GCNT2: variants seen among roughly 807,000 people sequenced by gnomAD.
GCNT2 encodes N-acetyllactosaminide beta-1,6-N-acetylglucosaminyl-transferase.
Under a neutral mutation model 34.2 loss-of-function variants are expected in GCNT2, and 34 were observed. The ratio of observed to expected loss-of-function variants is 1.00; its 90% CI spans 0.76 to 1.32. GCNT2 has a LOEUF of 1.32. Among genes scored for constraint, GCNT2 ranks in the 40% most tolerant of loss-of-function variants. GCNT2 has a pLI of 0.00. For synonymous variants in GCNT2, 212 were observed against 188.0 expected, an observed-to-expected ratio of 1.13 and a Z score of -1.04; for missense variants, 584 against 489.4, an observed-to-expected ratio of 1.19 and a Z score of -1.82.
chr6:10,620,398 CTTT>C (rs932448239), intron 3 of GCNT2, among the ~76,000 whole-genome samples: 2 of 150,100 alleles, frequency 1.3e-5, no homozygotes, highest in African/African-American at 2.5e-5. Context: ...TTTTCCTTTT[CTTT>C]TTTTAATTTT....
At position 10,529,718 on chromosome 6, in the gene GCNT2, C is replaced by A; in HGVS notation, c.807C>A (p.Leu269=). Residue 269 remains leucine (L), a synonymous_variant, in exon 3 of 5, where the codon CTC becomes CTA. Coordinates refer to ENST00000495262, the MANE Select transcript of GCNT2 (RefSeq NM_145649.5). ...ACTTTGGCACGGCCTACGTGGCTCTCACAAGGGACTTTGCTAACTTCGTCC... is the reference window on the plus strand; with the variant it reads ...ACTTTGGCACGGCCTACGTGGCTCTAACAAGGGACTTTGCTAACTTCGTCC... ...VIYFGTAYVA[L]TRDFANFVLQ... is the part of the protein sequence containing the mutation. 6.2e-7 allele frequency: 1 copy of A among 1,614,152 alleles called. No homozygotes were observed. Among genetic ancestry groups the A allele is most frequent in the South Asian group, 1.1e-5 (1 of 91,086 alleles).
At chr6:10,587,608 G>T (rs1032382283) in intron 3 of GCNT2, among the ~76,000 whole-genome samples, 1 of 152,180 alleles carries the variant, frequency 6.6e-6, no homozygotes, top group Non-Finnish European at 1.5e-5. Flanking sequence ...ATTCCAATTT[G>T]CAGCTTCTTG....
chr6:10,616,390 CAG>C (rs923199817), intron 3 of GCNT2, among the ~76,000 whole-genome samples: 7 of 152,212 alleles, frequency 4.6e-5, no homozygotes, highest in African/African-American at 1.7e-4. Context: ...GCAACCTAAA[CAG>C]GGTACCGCTG....
chr6:10,574,863 T>A (rs761969106), intron 3 of GCNT2: 20 of 692,510 alleles, frequency 2.9e-5, no homozygotes, highest in Non-Finnish European at 4.9e-5. Flanking sequence ...CCCAGGCACC[T>A]TTCTCTTTGT....
rs141845364 is a variant in GCNT2, at chr6:10,549,232, C to T, written c.925+19396C>T. Among the ~76,000 whole-genome samples the T allele has an allele frequency of 3.0e-3, 460 of 152,304 alleles. 2 individuals are homozygous for T. Among genetic ancestry groups the T allele is most frequent in the African/African-American group, 0.011 (438 of 41,568 alleles). On this transcript the variant is annotated intron_variant, in intron 3 of 4. Transcript: ENST00000495262. ...CAGCCCAAAATGCCAATAGTGCCCA[C>T]GCTGAGAAACCCTGCTCTATAGTAA...
At chr6:10,581,774 CCT>C in intron 3 of GCNT2, 2 of 985,202 alleles carry the variant, frequency 2.0e-6, no homozygotes, top group Non-Finnish European at 2.4e-6. Context: ...AAGACCTTTG[CCT>C]CTCTTTTCTC....
rs1025571011 is a variant in GCNT2, at chr6:10,628,696, A to T, written c.*2089A>T. 6.6e-6 allele frequency: 1 copy of T among 152,206 alleles called. No homozygotes were observed. Among genetic ancestry groups the T allele is most frequent in the African/African-American group, 2.4e-5 (1 of 41,448 alleles). 9.4% of individuals were successfully genotyped at this position (152,206 alleles called of 1,614,324 possible). On this transcript the variant is annotated 3_prime_UTR_variant, in exon 5 of 5. Transcript: ENST00000495262. The stretch of plus-strand genomic sequence containing the variant: ...GTTTAGATGAGGTCACGAGGGTAGG[A>T]CCCTCATGATGGGATGAGTCCCCTT...
At chr6:10,596,933 G>A (rs577907861) in intron 3 of GCNT2, among the ~76,000 whole-genome samples, 20 of 152,108 alleles carry the variant, frequency 1.3e-4, no homozygotes, top group South Asian at 6.2e-4. Context: ...ATTAAGCCTC[G>A]TTACTTTGCA....
At chr6:10,570,648 G>T (rs1471854375) in intron 3 of GCNT2, among the ~76,000 whole-genome samples, 2 of 152,034 alleles carry the variant, frequency 1.3e-5, no homozygotes, top group Non-Finnish European at 2.9e-5. Context: ...ATCTAATTCT[G>T]CACTTGGTCC....
intron 3 of GCNT2, among the ~76,000 whole-genome samples, chr6:10,617,557 T>A (rs963352147): frequency 5.9e-5 from 9 of 152,146 alleles, no homozygotes; most frequent in African/African-American, 1.9e-4. Context: ...GCTGCTAGCA[T>A]GCTGTCATCG....
chr6:10,582,556 TATC>T (rs1314300352), intron 3 of GCNT2, among the ~76,000 whole-genome samples: 1 of 135,170 alleles, frequency 7.4e-6, no homozygotes, highest in Non-Finnish European at 1.5e-5. Flanking sequence ...GTATAATATA[TATC>T]ATATATATTT....
intron 3 of GCNT2, among the ~76,000 whole-genome samples, chr6:10,565,918 C>T (rs1763260298): frequency 6.6e-6 from 1 of 152,198 alleles, no homozygotes; most frequent in Non-Finnish European, 1.5e-5. Flanking sequence ...GCGATCACAT[C>T]CCTCTCCTCC....
intron 3 of GCNT2, among the ~76,000 whole-genome samples, chr6:10,600,316 T>C (rs1226909090): frequency 6.6e-6 from 1 of 152,230 alleles, no homozygotes; most frequent in Non-Finnish European, 1.5e-5. Flanking sequence ...TACTATATAA[T>C]ACAGTTTTTG....
rs760893627 is a variant in GCNT2 at position 10,529,381 on chromosome 6, A to C, written c.470A>C (p.Glu157Ala). 1.2e-5 allele frequency: 19 copies of C among 1,614,082 alleles called. No homozygotes were observed. The highest frequency in any genetic ancestry group is 1.6e-5 in the Non-Finnish European group (19 of 1,180,006). ...FPNAFLASKK[E>A]SVVYGGISRL... is the part of the protein sequence containing the mutation. Reference sequence around the variant, plus strand: ...AATGCTTTTCTGGCTTCCAAGAAGGAGTCGGTTGTCTATGGGGGGATCTCC... The same window carrying C: ...AATGCTTTTCTGGCTTCCAAGAAGGCGTCGGTTGTCTATGGGGGGATCTCC... The change falls in exon 3 of 5, where the codon GAG (glutamate) becomes GCG (alanine). Residue 157 changes from glutamate to alanine, a missense_variant. Coordinates refer to ENST00000495262, the MANE Select transcript of GCNT2 (RefSeq NM_145649.5).
intron 4 of GCNT2, among the ~76,000 whole-genome samples, chr6:10,624,456 G>T (rs1471478662): frequency 6.6e-6 from 1 of 152,002 alleles, no homozygotes; most frequent in African/African-American, 2.4e-5. Flanking sequence ...ACTACCACAA[G>T]AACAATCATG....
intron 3 of GCNT2, among the ~76,000 whole-genome samples, chr6:10,578,128 C>T (rs1489668785): frequency 1.3e-5 from 2 of 152,116 alleles, no homozygotes; most frequent in African/African-American, 2.4e-5. Flanking sequence ...CATTGGCTCA[C>T]GCCTGTAATC....
At chr6:10,532,862 A>G (rs1219537922) in intron 3 of GCNT2, among the ~76,000 whole-genome samples, 2 of 133,444 alleles carry the variant, frequency 1.5e-5, no homozygotes, top group African/African-American at 5.9e-5. Context: ...GATCTGAGCC[A>G]TTTTCCGTTG....
intron 1 of GCNT2, among the ~76,000 whole-genome samples, chr6:10,524,255 T>C (rs953610537): frequency 2.0e-5 from 3 of 151,374 alleles, no homozygotes; most frequent in Non-Finnish European, 4.4e-5. Context: ...CCAGGGCTTT[T>C]TTTTTTTTTT....
chr6:10,607,827 A>G (rs1478049534), intron 3 of GCNT2, among the ~76,000 whole-genome samples: 3 of 152,160 alleles, frequency 2.0e-5, no homozygotes, highest in Admixed American at 6.5e-5. Context: ...ACTTCACAAT[A>G]AGTTCACATG....
Sources: allele counts gnomAD v4.1 joint callset (sites outside exome capture counted in the v4.1 genomes callset), GRCh38; gene constraint gnomAD v4.1.1; transcripts MANE v1.5; gene names NCBI Gene and HGNC (gene_info 2026-07-23, HGNC 2026-07-21).